Variants in LRRC9 observed in about 807,000 individuals in gnomAD.
LRRC9 encodes the protein leucine rich repeat containing 9.
LRRC9 carries 122 observed loss-of-function variants against 63.2 expected under a neutral mutation model. That is an observed-to-expected ratio of 1.93 (90% CI 1.67 to 2.24). LRRC9 has a LOEUF of 2.24. LRRC9 is among the 30% of genes most tolerant of loss of function. The pLI, the probability that LRRC9 is intolerant of heterozygous loss-of-function variation, is 0.00. For synonymous variants in LRRC9, 366 were observed against 213.1 expected (o/e 1.72, Z -6.25); for missense variants, 1,071 against 627.7 (o/e 1.71, Z -7.55).
chr14:59,982,572 G>A (rs1387941729), intron 16 of LRRC9, among the ~76,000 whole-genome samples: 3 of 152,110 alleles, frequency 2.0e-5, no homozygotes, highest in African/African-American at 4.8e-5. Context: ...TTACTCCCAA[G>A]ATAATAGACC....
rs535128523 is a variant in LRRC9, at chr14:59,988,203, T to A, written c.2211+2979T>A. Among the ~76,000 whole-genome samples the A allele has an allele frequency of 2.8e-4, 43 of 152,326 alleles. No individual in the cohort carries two copies. The South Asian group carries it at 4.1e-3, about 15-fold the overall frequency. Reference sequence around the variant, plus strand: ...TGTTGCAGACACAGTATCAGCCATGTCTTCAAGAAACCTTAGTTTCTTTTA... The same window carrying A: ...TGTTGCAGACACAGTATCAGCCATGACTTCAAGAAACCTTAGTTTCTTTTA... On this transcript the variant is annotated intron_variant, in intron 17 of 31. Transcript: ENST00000445360.
At chr14:60,028,188 A>G in intron 28 of LRRC9, 87 bp downstream of exon 28, 1 of 617,256 alleles carries the variant, frequency 1.6e-6, no homozygotes, top group Non-Finnish European at 2.9e-6. Context: ...CATCAATGAA[A>G]ATGTTGCTAG....
intron 8 of LRRC9, among the ~76,000 whole-genome samples, chr14:59,956,010 G>A (rs912272315): frequency 6.6e-6 from 1 of 152,102 alleles, no homozygotes; most frequent in Non-Finnish European, 1.5e-5. Flanking sequence ...GGAACTGTTT[G>A]TTATGATTTC....
At chr14:59,921,337 A>T (rs1448596596) in intron 1 of LRRC9, among the ~76,000 whole-genome samples, 1 of 152,174 alleles carries the variant, frequency 6.6e-6, no homozygotes, top group Non-Finnish European at 1.5e-5. Flanking sequence ...TTTACCTTTC[A>T]GGAGGCTGTC....
intron 6 of LRRC9, among the ~76,000 whole-genome samples, chr14:59,937,660 G>A (rs1381544189): frequency 6.6e-6 from 1 of 152,062 alleles, no homozygotes; most frequent in African/African-American, 2.4e-5. Context: ...GGTTTAAACA[G>A]GAAGAGGCAA....
chr14:59,975,366 A>G (rs1886156482), intron 13 of LRRC9, among the ~76,000 whole-genome samples: 1 of 151,772 alleles, frequency 6.6e-6, no homozygotes, highest in African/African-American at 2.4e-5. Context: ...TGTAAAGTGT[A>G]TGGATTGCTT....
intron 13 of LRRC9, among the ~76,000 whole-genome samples, chr14:59,975,313 A>G (rs1886153362): frequency 6.6e-6 from 1 of 151,282 alleles, no homozygotes; most frequent in South Asian, 2.1e-4. Flanking sequence ...ATTTAAGATG[A>G]TAAGAAAACC....
At chr14:59,931,984 C>G (rs1172293459) in exon 6 of LRRC9, 1 of 700,170 alleles carries the variant, frequency 1.4e-6, no homozygotes, top group East Asian at 2.7e-5. Flanking sequence ...TGTCTTGACT[C>G]CAATGAACAA....
At chr14:60,050,459 G>C (rs1893797783) in intron 29 of LRRC9, among the ~76,000 whole-genome samples, 1 of 152,132 alleles carries the variant, frequency 6.6e-6, no homozygotes, top group African/African-American at 2.4e-5. Context: ...CTGATTATCA[G>C]CTCCTGTATT....
chr14:59,921,152 G>T lies in LRRC9; in HGVS notation c.-34+1269G>T, dbSNP rs528433652. 3.3e-5 allele frequency among the ~76,000 whole-genome samples: 5 copies of T among 152,250 alleles called. No homozygotes were observed. In the South Asian group the frequency reaches 1.0e-3, roughly 32 times the overall value. On this transcript the variant is annotated intron_variant, in intron 1 of 31. Transcript: ENST00000445360. ...AGCCAAGGGAAAAGGACATTTTAGG[G>T]AGAGGAAACAGCCCATGCCAAAGTA...
At position 59,962,780 on chromosome 14, in the gene LRRC9, G is replaced by GAA. The variant is rs34322011; in HGVS notation, c.1211+1747_1211+1748dup. 2.7e-4 allele frequency among the ~76,000 whole-genome samples: 38 copies of GAA among 140,718 alleles called. No individual in the cohort carries two copies. The highest frequency in any genetic ancestry group is 7.4e-3 in the Middle Eastern group (2 of 272). 92.3% of individuals were successfully genotyped at this position (140,718 alleles called of 152,430 possible). On this transcript the variant is annotated intron_variant, in intron 10 of 31. Coordinates refer to ENST00000445360, the Ensembl canonical transcript of LRRC9. The surrounding 1 kb of genome is among the most constrained non-coding windows in gnomAD (Gnocchi z 5.1). ...AACTCTTTGCAACAAGTGGATTAGT[G>GAA]AAAAAAAAAAAAATGTAAAAGCAAA...
intron 29 of LRRC9, among the ~76,000 whole-genome samples, chr14:60,037,588 C>G (rs1206800376): frequency 6.6e-6 from 1 of 152,092 alleles, no homozygotes; most frequent in Non-Finnish European, 1.5e-5. Flanking sequence ...CTGTTCATAT[C>G]CTTTGCCCAC....
intron 27 of LRRC9, among the ~76,000 whole-genome samples, chr14:60,025,418 T>G (rs1055198147): frequency 6.6e-6 from 1 of 151,960 alleles, no homozygotes. Context: ...TTTTAAAAGA[T>G]ACACTGACAT....
chr14:59,952,344 C>G (rs1011896458), intron 8 of LRRC9, among the ~76,000 whole-genome samples: 3 of 152,214 alleles, frequency 2.0e-5, no homozygotes, highest in Admixed American at 6.5e-5. Context: ...GGCAATGCCT[C>G]GCCTTGCTTC....
chr14:59,922,317 G>A lies in LRRC9; in HGVS notation c.-34+2434G>A, dbSNP rs2139732550. Among the ~76,000 whole-genome samples the A allele has an allele frequency of 6.6e-6, 1 of 152,142 alleles. No homozygotes were observed. The highest frequency in any genetic ancestry group is 6.5e-5 in the Admixed American group (1 of 15,282). The stretch of plus-strand genomic sequence containing the variant: ...TATTTTTGACCTTGTAGTGGCTTGA[G>A]GTGTTCTCAGTCCAGATGGCAGTGA... On this transcript the variant is annotated intron_variant, in intron 1 of 31. Transcript: ENST00000445360. This position sits in a 1 kb window ranked among gnomAD's most constrained non-coding sequence, Gnocchi z 5.3.
At chr14:59,970,950 G>T (rs976082939) in intron 12 of LRRC9, among the ~76,000 whole-genome samples, 2 of 151,946 alleles carry the variant, frequency 1.3e-5, no homozygotes, top group Non-Finnish European at 2.9e-5. Context: ...GTCAATTTTT[G>T]CTTTTGTTGC....
chr14:59,938,369 T>C lies in LRRC9; in HGVS notation c.544-21T>C, dbSNP rs149393467. ...AATGACAGTCACAATTAACTGAACA[T>C]TATCTTTGCTGGCATTTTAGGAACT... is the stretch of plus-strand genomic sequence containing the variant. On this transcript the variant is annotated intron_variant, in intron 6 of 31. Transcript: ENST00000445360. The surrounding 1 kb of genome is among the most constrained non-coding windows in gnomAD (Gnocchi z 4.2). 4.5e-4 allele frequency: 304 copies of C among 669,000 alleles called. 3 individuals are homozygous for C. The East Asian group carries it at 7.7e-3, about 17-fold the overall frequency. 41.4% of individuals were successfully genotyped at this position (669,000 alleles called of 1,614,324 possible).
rs1451899339 is a variant in LRRC9 at position 59,962,020 on chromosome 14, T to C, written c.1211+975T>C. Among the ~76,000 whole-genome samples the C allele has an allele frequency of 6.6e-6, 1 of 152,148 alleles. No homozygotes were observed. The highest frequency in any genetic ancestry group is 1.9e-4 in the East Asian group (1 of 5,180). The stretch of plus-strand genomic sequence containing the variant: ...ATTTTTATAGTGTAGAATGTAAAAC[T>C]TACACTAACTTTTTAGAAAAAAAAA... On this transcript the variant is annotated intron_variant, in intron 10 of 31. Coordinates refer to ENST00000445360, the Ensembl canonical transcript of LRRC9. This position sits in a 1 kb window ranked among gnomAD's most constrained non-coding sequence, Gnocchi z 5.1.
intron 15 of LRRC9, among the ~76,000 whole-genome samples, chr14:59,979,473 G>A (rs1404258888): frequency 1.3e-5 from 2 of 151,976 alleles, no homozygotes; most frequent in African/African-American, 4.8e-5. Context: ...TTAGCCGGCC[G>A]TGGTGGCGGG....
Sources: allele counts gnomAD v4.1 joint callset (sites outside exome capture counted in the v4.1 genomes callset), GRCh38; gene constraint gnomAD v4.1.1; non-coding constraint Gnocchi (gnomAD v3.1); transcripts MANE v1.5; gene names NCBI Gene and HGNC (gene_info 2026-07-23, HGNC 2026-07-21).